Variants in ZNF462 observed in about 807,000 individuals in gnomAD.
ZNF462 encodes zinc finger PBX1-interacting protein.
ZNF462 carries 10 observed loss-of-function variants against 201.9 expected under a neutral mutation model. That is an observed-to-expected ratio of 0.05 (90% CI 0.03 to 0.08). ZNF462 has a LOEUF of 0.08. Ranked by LOEUF, ZNF462 falls within the 10% of genes least tolerant of loss-of-function variation. The pLI is 1.00. For missense variants in ZNF462, 2,523 were observed against 3,168.3 expected (o/e 0.80, Z 4.89); for synonymous variants, 1,227 against 1,193.3 (o/e 1.03, Z -0.58).
At chr9:106,986,966 A>G (rs1827879619) in intron 10 of ZNF462, among the ~76,000 whole-genome samples, 1 of 149,408 alleles carries the variant, frequency 6.7e-6, no homozygotes, top group East Asian at 2.0e-4. Flanking sequence ...ATGGCTGAGT[A>G]GTATTCCATC....
At position 106,938,156 on chromosome 9, in the gene ZNF462, A is replaced by G. The variant is rs1387986634; in HGVS notation, c.6236-760A>G. 6.6e-6 allele frequency among the ~76,000 whole-genome samples: 1 copy of G among 152,216 alleles called. No homozygotes were observed. Among genetic ancestry groups the G allele is most frequent in the Non-Finnish European group, 1.5e-5 (1 of 68,038 alleles). ...GTCATGGTGATCTGTGTTGTATTTCAGTGGCATAAAATTAATTTTAAAAGT... is the reference window on the plus strand; with the variant it reads ...GTCATGGTGATCTGTGTTGTATTTCGGTGGCATAAAATTAATTTTAAAAGT... On this transcript the variant is annotated intron_variant, in intron 6 of 12. Transcript: ENST00000277225. This position sits in a 1 kb window ranked among gnomAD's most constrained non-coding sequence, Gnocchi z 4.4.
At chr9:106,882,026 T>C (rs962445245) in intron 1 of ZNF462, among the ~76,000 whole-genome samples, 3 of 152,252 alleles carry the variant, frequency 2.0e-5, no homozygotes, top group Non-Finnish European at 4.4e-5. Context: ...CTTAACAGTT[T>C]TAATGTCTTA....
chr9:106,986,149 C>T (rs551909099), intron 10 of ZNF462, among the ~76,000 whole-genome samples: 5 of 152,208 alleles, frequency 3.3e-5, no homozygotes, highest in East Asian at 1.9e-4. Flanking sequence ...AGTTGTTGCA[C>T]GGTAGCTTGC....
chr9:107,001,167 T>G (rs1241714790), intron 10 of ZNF462, among the ~76,000 whole-genome samples: 2 of 152,152 alleles, frequency 1.3e-5, no homozygotes, highest in Non-Finnish European at 2.9e-5. Flanking sequence ...TTAAAAATAC[T>G]TCTCTTCAAA....
chr9:106,984,030 G>A lies in ZNF462; in HGVS notation c.6833-156G>A, dbSNP rs371266731. ...TTCCTGAGGAATATGTTGTTTGGGGGTTAGGGGAGGGGCAGGGTGCATGTG... is the reference window on the plus strand; with the variant it reads ...TTCCTGAGGAATATGTTGTTTGGGGATTAGGGGAGGGGCAGGGTGCATGTG... On this transcript the variant is annotated intron_variant, in intron 9 of 12. Coordinates refer to ENST00000277225, the MANE Select transcript of ZNF462 (RefSeq NM_021224.6). This position sits in a 1 kb window ranked among gnomAD's most constrained non-coding sequence, Gnocchi z 6.4. 2.6e-5 allele frequency among the ~76,000 whole-genome samples: 4 copies of A among 152,136 alleles called. No individual in the cohort carries two copies. Among genetic ancestry groups the A allele is most frequent in the African/African-American group, 9.7e-5 (4 of 41,430 alleles).
chr9:106,927,687 A>G lies in ZNF462; in HGVS notation c.3775A>G (p.Lys1259Glu). 2 of 1,614,144 alleles carry G rather than the reference A, an allele frequency of 1.2e-6. No individual in the cohort carries two copies. Among genetic ancestry groups the G allele is most frequent in the Non-Finnish European group, 1.7e-6 (2 of 1,180,024 alleles). The change falls in exon 3 of 13, where the codon AAA (lysine) becomes GAA (glutamate). Residue 1259 changes from lysine (K) to glutamate (E), a missense_variant. By Grantham distance (56) the Lys-to-Glu change is moderately conservative. Transcript: ENST00000277225. ...LVSPSNLERD[K>E]TKLRALKCRQ... ...CTCCCCCTCTAATCTGGAGCGGGAC[A>G]AAACGAAACTCCGAGCACTCAAATG...
chr9:106,908,916 T>C (rs1435646299), intron 1 of ZNF462, among the ~76,000 whole-genome samples: 3 of 18,538 alleles, frequency 1.6e-4, no homozygotes, highest in Non-Finnish European at 3.0e-4. Flanking sequence ...TATACATATA[T>C]ATATATATAT....
At position 106,868,674 on chromosome 9, in the gene ZNF462, A is replaced by G. The variant is rs1476925426; in HGVS notation, c.-31+5319A>G. On this transcript the variant is annotated intron_variant, in intron 1 of 12. Transcript: ENST00000277225. ...TTATACTGAAGAGGAAACTGGCACA[A>G]AGACATGAAGTGACTTGCACAAGGT... is the stretch of plus-strand genomic sequence containing the variant. 3.9e-5 allele frequency among the ~76,000 whole-genome samples: 6 copies of G among 152,292 alleles called. No individual in the cohort carries two copies. The South Asian group carries it at 8.3e-4, about 21-fold the overall frequency.
At chr9:106,897,007 A>G (rs1340359529) in intron 1 of ZNF462, among the ~76,000 whole-genome samples, 2 of 152,232 alleles carry the variant, frequency 1.3e-5, no homozygotes, top group Non-Finnish European at 2.9e-5. Flanking sequence ...TTTGAGAGAA[A>G]CTATTTAATT....
Position 107,003,446 on chromosome 9 carries a change from C to G in ZNF462, c.7189+20C>G. On this transcript the variant is annotated intron_variant, in intron 11 of 12. Coordinates refer to ENST00000277225, the MANE Select transcript of ZNF462 (RefSeq NM_021224.6). The surrounding 1 kb of genome is among the most constrained non-coding windows in gnomAD (Gnocchi z 4.4). Reference sequence around the variant, plus strand: ...ACAGAGGTTAGTCTCATCCTGCCCTCCCAATCCCAGATGGCATCTGGCATG... The same window carrying G: ...ACAGAGGTTAGTCTCATCCTGCCCTGCCAATCCCAGATGGCATCTGGCATG... 1 of 1,611,754 alleles carries G rather than the reference C, an allele frequency of 6.2e-7. No homozygotes were observed. Among genetic ancestry groups the G allele is most frequent in the Non-Finnish European group, 8.5e-7 (1 of 1,179,092 alleles).
chr9:106,892,649 T>C (rs1183705890), intron 1 of ZNF462, among the ~76,000 whole-genome samples: 1 of 152,014 alleles, frequency 6.6e-6, no homozygotes, highest in Non-Finnish European at 1.5e-5. Context: ...TGCTTAGATC[T>C]TCGCCTTCAT....
chr9:106,943,059 C>CGCGTGTGTGTGTGTGT (rs374167214), intron 7 of ZNF462, among the ~76,000 whole-genome samples: 18 of 143,150 alleles, frequency 1.3e-4, no homozygotes, highest in African/African-American at 4.5e-4. Context: ...TTTGCGCGCG[C>CGCGTGTGTGTGTGTGT]GTGTGTGTGT....
intron 1 of ZNF462, among the ~76,000 whole-genome samples, chr9:106,912,796 G>A (rs1829604801): frequency 6.6e-6 from 1 of 152,142 alleles, no homozygotes; most frequent in African/African-American, 2.4e-5. Context: ...TTTTAGAGTA[G>A]AGTCTTCTCT....
At position 106,929,321 on chromosome 9, in the gene ZNF462, G is replaced by T; in HGVS notation, c.5409G>T (p.Leu1803Phe). The T allele has an allele frequency of 6.2e-7, 1 of 1,614,118 alleles. No individual in the cohort carries two copies. Among genetic ancestry groups the T allele is most frequent in the Non-Finnish European group, 8.5e-7 (1 of 1,180,034 alleles). ...CAAAGAAGCAGCACGCCAGCAAGTT[G>T]GGGGGCTACTTCACGGCCGTCTATG... ...VFPKKQHASKLGGYFTAVYAD... is the reference protein window; with the variant it reads ...VFPKKQHASKFGGYFTAVYAD... Residue 1803 changes from leucine to phenylalanine, a missense_variant, in exon 3 of 13, where the codon TTG becomes TTT. This residue lies in a region of ZNF462 where 207 missense variants were observed against 231.6 expected (regional missense o/e 0.89). Transcript: ENST00000277225. The surrounding 1 kb of genome is among the most constrained non-coding windows in gnomAD (Gnocchi z 8.7).
chr9:106,934,502 C>T (rs1830550771), intron 5 of ZNF462, among the ~76,000 whole-genome samples: 1 of 151,978 alleles, frequency 6.6e-6, no homozygotes, highest in Non-Finnish European at 1.5e-5. Flanking sequence ...AAGGTTAGTG[C>T]CATTTATAGA....
At position 106,972,477 on chromosome 9, in the gene ZNF462, C is replaced by A. The variant is rs1481551439; in HGVS notation, c.6695+205C>A. Among the ~76,000 whole-genome samples, 2 of 152,140 alleles carry A rather than the reference C, an allele frequency of 1.3e-5. No homozygotes were observed. The highest frequency in any genetic ancestry group is 3.9e-4 in the East Asian group (2 of 5,186). On this transcript the variant is annotated intron_variant, in intron 8 of 12. Transcript: ENST00000277225. This position sits in a 1 kb window ranked among gnomAD's most constrained non-coding sequence, Gnocchi z 4.8. The stretch of plus-strand genomic sequence containing the variant: ...TTTGGGAAGGGATGAAGAGCTATAT[C>A]AGAACAAATGAGTTTTAAAATTGGA...
chr9:107,001,611 A>T (rs183476741), intron 10 of ZNF462, among the ~76,000 whole-genome samples: 109 of 152,280 alleles, frequency 7.2e-4, no homozygotes, highest in African/African-American at 2.3e-3. Flanking sequence ...ATGAAAATGT[A>T]AAAGCCCTAG....
In ZNF462 at chr9:106,863,603, A is replaced by AGAG. The variant is rs1211333934; in HGVS notation, c.-31+260_-31+262dup. Among the ~76,000 whole-genome samples the AGAG allele has an allele frequency of 4.7e-5, 7 of 148,928 alleles. No individual in the cohort carries two copies. In the East Asian group the frequency reaches 1.2e-3, roughly 26 times the overall value. ...GAGGAGGAGGAGAAGCGAGGGAGGA[A>AGAG]GAGGAGGAGGAGGAAGAGGAGGAGA... On this transcript the variant is annotated intron_variant, in intron 1 of 12. Transcript: ENST00000277225.
upstream of ZNF462, among the ~76,000 whole-genome samples, chr9:106,860,234 G>T (rs770500651): frequency 4.6e-5 from 7 of 152,232 alleles, no homozygotes; most frequent in Non-Finnish European, 5.9e-5. The surrounding 1 kb of genome is among the most constrained non-coding windows in gnomAD (Gnocchi z 7.1). Context: ...AAGGGCGGCA[G>T]CCCGTTTAAT....
Sources: gnomAD v4.1 joint callset for allele counts (sites outside exome capture counted in the v4.1 genomes callset) on GRCh38, gnomAD v4.1.1 for gene constraint, gnomAD v4.1.1 regional missense constraint, Gnocchi (gnomAD v3.1) non-coding constraint, MANE v1.5 for transcripts, NCBI Gene and HGNC (gene_info 2026-07-23, HGNC 2026-07-21) for gene names.